The following WNT5B variants were observed in gnomAD, a reference collection of about 807,000 sequenced individuals.
WNT5B encodes Wnt family member 5B.
Under a neutral mutation model 36.5 loss-of-function variants are expected in WNT5B, and 18 were observed. That is an observed-to-expected ratio of 0.49 (90% CI 0.34 to 0.73). The LOEUF (loss-of-function observed/expected upper bound fraction) is 0.73. Among genes scored for constraint, WNT5B ranks in the 30% least tolerant of loss-of-function variants. The probability of loss-of-function intolerance (pLI) is 0.01; values close to 1 mark genes in which losing one functional copy is unlikely to be tolerated. For synonymous variants in WNT5B, 213 were observed against 212.3 expected, an observed-to-expected ratio of 1.00 and a Z score of -0.03; for missense variants, 424 against 508.4, an observed-to-expected ratio of 0.83 and a Z score of 1.60.
intron 3 of WNT5B, among the ~76,000 whole-genome samples, chr12:1,636,282 A>G (rs1412046623): frequency 6.6e-6 from 1 of 151,790 alleles, no homozygotes; most frequent in Non-Finnish European, 1.5e-5. Context: ...GTCTAATCCC[A>G]TAACATTTTC....
intron 4 of WNT5B, chr12:1,645,140 G>A (rs2094582979): frequency 6.6e-6 from 1 of 152,346 alleles, no homozygotes; most frequent in Non-Finnish European, 1.5e-5. Context: ...CCACGGCTAT[G>A]CCAGTGATTT....
At chr12:1,639,389 C>T (rs911639983) in intron 3 of WNT5B, among the ~76,000 whole-genome samples, 3 of 152,166 alleles carry the variant, frequency 2.0e-5, no homozygotes, top group Non-Finnish European at 4.4e-5. Flanking sequence ...CCGCCCGCCC[C>T]GGCCTCCCAA....
At chr12:1,642,765 G>C (rs904112533) in intron 4 of WNT5B, among the ~76,000 whole-genome samples, 3 of 152,100 alleles carry the variant, frequency 2.0e-5, no homozygotes, top group Non-Finnish European at 1.5e-5. Flanking sequence ...CTCCCATCAG[G>C]CTTGTTCCTG....
chr12:1,630,670 G>C lies in WNT5B; in HGVS notation c.-57-628G>C, dbSNP rs11061881. 8,456 of 152,372 alleles carry C rather than the reference G, an allele frequency of 0.055. 382 individuals carry two copies. Among genetic ancestry groups the C allele is most frequent in the East Asian group, 0.24 (1,216 of 5,146 alleles). The allele number at this position is 152,372 out of a possible 1,614,324, so 9.4% of individuals were successfully genotyped here. ...TTCCGGGCGGGCGGTTCGCGGCGTG[G>C]CTTGTACATTTCTCAGAGAAGCTGC... is the stretch of plus-strand genomic sequence containing the variant. On this transcript the variant is annotated intron_variant, in intron 1 of 4. Transcript: ENST00000397196. The surrounding 1 kb of genome is among the most constrained non-coding windows in gnomAD (Gnocchi z 5.3).
In WNT5B at chr12:1,619,685, A is replaced by G. The variant is rs548448158; in HGVS notation, c.-58+2542A>G. Among the ~76,000 whole-genome samples the G allele has an allele frequency of 7.4e-4, 112 of 152,270 alleles. 2 individuals carry two copies. Among genetic ancestry groups the G allele is most frequent in the African/African-American group, 2.5e-3 (103 of 41,560 alleles). ...AAGTGAGACAGAGGGTGATTTTGCC[A>G]TATCCTCATTTCCTGGACTGAGCAA... On this transcript the variant is annotated intron_variant, in intron 1 of 4. Transcript: ENST00000310594.
Position 1,630,396 on chromosome 12 carries a change from T to C in WNT5B, c.-57-902T>C, listed in dbSNP as rs1442063493. ...GGGGACAGGGGCTCTCGGGGGCGGA[T>C]AGAGGAACAGGCGTGGGTTACAGCA... On this transcript the variant is annotated intron_variant, in intron 1 of 4. Transcript: ENST00000397196. The surrounding 1 kb of genome is among the most constrained non-coding windows in gnomAD (Gnocchi z 5.3). 4.0e-5 allele frequency among the ~76,000 whole-genome samples: 6 copies of C among 151,236 alleles called. No homozygotes were observed. The East Asian group carries it at 1.2e-3, about 30-fold the overall frequency.
upstream of WNT5B, among the ~76,000 whole-genome samples, chr12:1,628,154 C>T (rs10773970): frequency 0.23 from 34,899 of 150,890 alleles, 5,774 homozygotes; most frequent in African/African-American, 0.46. Flanking sequence ...GAGACCCTGA[C>T]TCCCACTTTT....
rs2094570880 is a variant in WNT5B, at chr12:1,639,782, TGCAGCCGGACGGC to T, written c.430_442del (p.Ser144GlyfsTer50). ...CGAGGGCGAGCTCTCCACCTGCGGC[TGCAGCCGGACGGC>T]GCGGCCCAAGGACCTGCCCCGGGAC... On this transcript the variant is annotated frameshift_variant, in exon 4 of 5. Coordinates refer to ENST00000397196, the MANE Select transcript of WNT5B (RefSeq NM_032642.3). LOFTEE classifies it high-confidence loss of function. 1 of 1,610,388 alleles carries T rather than the reference TGCAGCCGGACGGC, an allele frequency of 6.2e-7. No homozygotes were observed. The highest frequency in any genetic ancestry group is 1.3e-5 in the African/African-American group (1 of 74,762).
upstream of WNT5B, among the ~76,000 whole-genome samples, chr12:1,625,677 T>C (rs2094539953): frequency 6.6e-6 from 1 of 152,260 alleles, no homozygotes; most frequent in Admixed American, 6.5e-5. Flanking sequence ...TTTTCTCTTT[T>C]TTTTGAGACG....
intron 3 of WNT5B, among the ~76,000 whole-genome samples, chr12:1,636,990 G>C (rs956797896): frequency 4.6e-5 from 7 of 152,070 alleles, no homozygotes; most frequent in African/African-American, 1.7e-4. Flanking sequence ...TTACAGGCAT[G>C]AGCCACCACG....
At chr12:1,639,388 C>G (rs1357490156) in intron 3 of WNT5B, among the ~76,000 whole-genome samples, 1 of 152,180 alleles carries the variant, frequency 6.6e-6, no homozygotes, top group Non-Finnish European at 1.5e-5. Context: ...TCCGCCCGCC[C>G]CGGCCTCCCA....
intron 3 of WNT5B, among the ~76,000 whole-genome samples, chr12:1,637,764 G>A (rs2094564899): frequency 6.7e-6 from 1 of 148,988 alleles, no homozygotes; most frequent in African/African-American, 2.5e-5. Flanking sequence ...AAAAAAAAAA[G>A]TTATGTTTAC....
intron 3 of WNT5B, among the ~76,000 whole-genome samples, chr12:1,636,400 G>A (rs2154439662): frequency 6.6e-6 from 1 of 150,480 alleles, no homozygotes; most frequent in South Asian, 2.1e-4. Context: ...TGCCTATCCT[G>A]GGCATTTCTT....
chr12:1,632,867 C>G lies in WNT5B; in HGVS notation c.290C>G (p.Ala97Gly), dbSNP rs747601596. 6.2e-7 allele frequency: 1 copy of G among 1,613,868 alleles called. No homozygotes were observed. Among genetic ancestry groups the G allele is most frequent in the African/African-American group, 1.3e-5 (1 of 75,034 alleles). ...FRQRRWNCSTADNASVFGRVM... is the reference protein window; with the variant it reads ...FRQRRWNCSTGDNASVFGRVM... ...CAGCGGCGGTGGAATTGCAGCACAG[C>G]GGACAACGCATCTGTCTTTGGGAGA... Residue 97 changes from alanine to glycine, a missense_variant, in exon 3 of 5, where the codon GCG becomes GGG. Transcript: ENST00000397196. This position sits in a 1 kb window ranked among gnomAD's most constrained non-coding sequence, Gnocchi z 5.8.
chr12:1,622,327 C>T (rs1310917859), intron 1 of WNT5B, among the ~76,000 whole-genome samples: 1 of 152,108 alleles, frequency 6.6e-6, no homozygotes, highest in African/African-American at 2.4e-5. Flanking sequence ...CTTTTCTGGG[C>T]AGGTTTTCTG....
rs758623706 is a variant in WNT5B, at chr12:1,639,850, G to A, written c.495G>A (p.Val165=). The change falls in exon 4 of 5, where the codon GTG becomes GTA. Residue 165 remains valine (V), a synonymous_variant. Coordinates refer to ENST00000397196, the MANE Select transcript of WNT5B (RefSeq NM_032642.3). ...DWLWGGCGDN[V]EYGYRFAKEF... ...TGTGGGGCGGCTGTGGGGACAACGTGGAGTACGGCTACCGCTTCGCCAAGG... is the reference window on the plus strand; with the variant it reads ...TGTGGGGCGGCTGTGGGGACAACGTAGAGTACGGCTACCGCTTCGCCAAGG... 1 of 1,613,994 alleles carries A rather than the reference G, an allele frequency of 6.2e-7. No homozygotes were observed.
intron 3 of WNT5B, among the ~76,000 whole-genome samples, chr12:1,639,364 T>A (rs2094568995): frequency 1.3e-5 from 2 of 152,276 alleles, no homozygotes; most frequent in African/African-American, 4.8e-5. Context: ...GGTCTCGATC[T>A]CCTGACCTCG....
upstream of WNT5B, chr12:1,629,086 C>G (rs956894707): frequency 2.6e-5 from 4 of 151,460 alleles, no homozygotes; most frequent in Admixed American, 2.6e-4. Context: ...AGAGCCGCCT[C>G]GTGGAAAGCC....
At chr12:1,622,174 G>A (rs1267817899) in intron 1 of WNT5B, among the ~76,000 whole-genome samples, 9 of 144,632 alleles carry the variant, frequency 6.2e-5, no homozygotes, top group East Asian at 2.1e-4. Context: ...GCAGTGGCGT[G>A]ATCTCGGCTC....
Sources: gnomAD v4.1 joint callset for allele counts (sites outside exome capture counted in the v4.1 genomes callset) on GRCh38, gnomAD v4.1.1 for gene constraint, Gnocchi (gnomAD v3.1) non-coding constraint, MANE v1.5 for transcripts, NCBI Gene and HGNC (gene_info 2026-07-23, HGNC 2026-07-21) for gene names.